The following DYM variants were observed in gnomAD, a reference collection of about 807,000 sequenced individuals.
The protein encoded by DYM is dyggve-Melchior-Clausen syndrome protein.
DYM carries 78 observed loss-of-function variants against 93.1 expected under a neutral mutation model. The observed-to-expected ratio is 0.84, with a 90% CI of 0.70 to 1.01. The LOEUF (loss-of-function observed/expected upper bound fraction) is 1.01. Among genes scored for constraint, DYM ranks in the 50% least tolerant of loss-of-function variants. DYM has a pLI of 0.00. For missense variants in DYM, 789 were observed against 845.0 expected (o/e 0.93, Z 0.82); for synonymous variants, 321 against 319.7 (o/e 1.00, Z -0.04).
In DYM at chr18:49,272,324, T is replaced by C. The variant is rs528980936; in HGVS notation, c.1126-21A>G. Reference sequence around the variant, plus strand: ...AAAACCTAGAGAATAAAAATTATAATTGACTATTTCAATACTTCATTATAA... The same window carrying C: ...AAAACCTAGAGAATAAAAATTATAACTGACTATTTCAATACTTCATTATAA... On this transcript the variant is annotated intron_variant, in intron 10 of 17. Transcript: ENST00000675505. 6 of 1,414,846 alleles carry C rather than the reference T, an allele frequency of 4.2e-6. No individual in the cohort carries two copies. In the South Asian group the frequency reaches 7.0e-5, roughly 16 times the overall value. 87.6% of individuals were successfully genotyped at this position (1,414,846 alleles called of 1,614,324 possible).
intron 2 of DYM, among the ~76,000 whole-genome samples, chr18:49,393,449 C>T (rs2069645823): frequency 6.6e-6 from 1 of 152,134 alleles, no homozygotes; most frequent in Non-Finnish European, 1.5e-5. Context: ...TGTACATACA[C>T]ACAATGGAAT....
At chr18:49,224,498 C>T (rs2093464032) in intron 13 of DYM, among the ~76,000 whole-genome samples, 1 of 151,974 alleles carries the variant, frequency 6.6e-6, no homozygotes, top group Non-Finnish European at 1.5e-5. Context: ...ATGTTGAAAT[C>T]CTAGCCCCCA....
intron 2 of DYM, among the ~76,000 whole-genome samples, chr18:49,425,942 T>C (rs1476285257): frequency 1.3e-5 from 2 of 152,042 alleles, no homozygotes; most frequent in African/African-American, 2.4e-5. Context: ...TTTTACACTG[T>C]TGGTGGGACT....
chr18:49,396,912 T>C (rs2070167821), intron 2 of DYM, among the ~76,000 whole-genome samples: 1 of 152,156 alleles, frequency 6.6e-6, no homozygotes, highest in African/African-American at 2.4e-5. Flanking sequence ...GAAGGCTGGG[T>C]AGGACAGGCA....
intron 17 of DYM, chr18:49,093,417 G>C (rs1179678025): frequency 6.5e-6 from 1 of 152,790 alleles, no homozygotes; most frequent in Admixed American, 6.5e-5. Flanking sequence ...AGGGTGTAAG[G>C]GTGGCAACAG....
At chr18:49,330,399 AT>A (rs1382196604) in intron 8 of DYM, among the ~76,000 whole-genome samples, 1 of 152,172 alleles carries the variant, frequency 6.6e-6, no homozygotes, top group Admixed American at 6.5e-5. Context: ...AGCTAGGAAA[AT>A]TAAGGGGCTT....
At chr18:49,358,467 G>A (rs888221829) in intron 6 of DYM, among the ~76,000 whole-genome samples, 2 of 152,240 alleles carry the variant, frequency 1.3e-5, no homozygotes, top group Non-Finnish European at 2.9e-5. Context: ...ACAAGTCACA[G>A]TACACAAATA....
At chr18:49,245,915 G>A (rs150691634) in intron 13 of DYM, among the ~76,000 whole-genome samples, 25 of 152,224 alleles carry the variant, frequency 1.6e-4, no homozygotes, top group African/African-American at 5.3e-4. Flanking sequence ...CAGACCAGCC[G>A]ACACTTAGGA....
intron 6 of DYM, among the ~76,000 whole-genome samples, chr18:49,354,202 C>T (rs928777288): frequency 2.9e-4 from 44 of 152,010 alleles, no homozygotes; most frequent in Non-Finnish European, 2.4e-4. Context: ...GCTGAAACAA[C>T]TGGATATCCA....
chr18:49,182,036 T>G (rs1400024209), intron 14 of DYM, among the ~76,000 whole-genome samples: 1 of 152,320 alleles, frequency 6.6e-6, no homozygotes, highest in East Asian at 1.9e-4. Flanking sequence ...AAAATCGCTT[T>G]TGGTTTCTTC....
chr18:49,236,797 A>C (rs1241031855), intron 13 of DYM, among the ~76,000 whole-genome samples: 1 of 152,208 alleles, frequency 6.6e-6, no homozygotes, highest in African/African-American at 2.4e-5. Flanking sequence ...GTAGAGGATG[A>C]AAACAACATG....
intron 8 of DYM, among the ~76,000 whole-genome samples, chr18:49,326,993 G>A (rs1248066072): frequency 3.8e-4 from 3 of 7,838 alleles, no homozygotes; most frequent in African/African-American, 3.6e-3. Flanking sequence ...TTAAAAAACC[G>A]TGTGTGTGTG....
At chr18:49,363,096 A>G (rs534750144) in intron 6 of DYM, 65 bp downstream of exon 6, 39 of 1,332,344 alleles carry the variant, frequency 2.9e-5, no homozygotes, top group Non-Finnish European at 4.0e-5. Context: ...ACTTCTCAAC[A>G]TGATCAATGA....
Position 49,041,523 on chromosome 18 carries a change from A to G in DYM, c.*2532T>C, listed in dbSNP as rs1344348777. Reference sequence around the variant, plus strand: ...TGCCATATAATAAATCTTTCACAAAAATCAGGAAGAAGCCTCTGGTGACTT... The same window carrying G: ...TGCCATATAATAAATCTTTCACAAAGATCAGGAAGAAGCCTCTGGTGACTT... On this transcript the variant is annotated 3_prime_UTR_variant, in exon 18 of 18. Coordinates refer to ENST00000675505, the MANE Select transcript of DYM (RefSeq NM_001353214.3). The G allele has an allele frequency of 6.6e-6, 1 of 152,220 alleles. No individual in the cohort carries two copies. Among genetic ancestry groups the G allele is most frequent in the Non-Finnish European group, 1.5e-5 (1 of 68,040 alleles). The allele number at this position is 152,220 out of a possible 1,614,324, so 9.4% of individuals were successfully genotyped here. A position where few individuals can be genotyped will look rare whatever the true frequency, so the allele number is the denominator to read the frequency against.
At position 49,062,944 on chromosome 18, in the gene DYM, T is replaced by C. The variant is rs1469804800; in HGVS notation, c.2026-18740A>G. ...AAGCCAATGAGGCAATACCCCTTAATCTGTGGGCAGAAGGCAACCAACTCC... is the reference window on the plus strand; with the variant it reads ...AAGCCAATGAGGCAATACCCCTTAACCTGTGGGCAGAAGGCAACCAACTCC... On this transcript the variant is annotated intron_variant, in intron 17 of 17. Coordinates refer to ENST00000675505, the MANE Select transcript of DYM (RefSeq NM_001353214.3). 2.6e-5 allele frequency among the ~76,000 whole-genome samples: 4 copies of C among 152,280 alleles called. No individual in the cohort carries two copies. The East Asian group carries it at 7.7e-4, about 29-fold the overall frequency.
chr18:49,206,202 G>T (rs2092493544), intron 14 of DYM, among the ~76,000 whole-genome samples: 1 of 151,884 alleles, frequency 6.6e-6, no homozygotes. Context: ...GTTTCACTGT[G>T]TTAGCCAGGA....
intron 17 of DYM, among the ~76,000 whole-genome samples, chr18:49,053,859 G>A (rs935951627): frequency 6.6e-6 from 1 of 152,206 alleles, no homozygotes; most frequent in Non-Finnish European, 1.5e-5. Context: ...GGCTGTAGAG[G>A]AAAGAGAGGA....
chr18:49,176,791 T>C (rs2089432926), intron 14 of DYM, among the ~76,000 whole-genome samples: 1 of 152,138 alleles, frequency 6.6e-6, no homozygotes. Context: ...GTAATTTATC[T>C]AAAAAGCACT....
intron 2 of DYM, chr18:49,412,822 C>T (rs2072433266): frequency 1.3e-5 from 2 of 152,030 alleles, no homozygotes. Flanking sequence ...AAAACGTGAC[C>T]TAATTAAACA....
Sources: gnomAD v4.1 joint callset for allele counts (sites outside exome capture counted in the v4.1 genomes callset) on GRCh38, gnomAD v4.1.1 for gene constraint, MANE v1.5 for transcripts, NCBI Gene and HGNC (gene_info 2026-07-23, HGNC 2026-07-21) for gene names.